Variants in PTPRD observed in about 807,000 individuals in gnomAD.
PTPRD encodes receptor-type tyrosine-protein phosphatase delta.
PTPRD carries 34 observed loss-of-function variants against 214.5 expected under a neutral mutation model. The ratio of observed to expected loss-of-function variants is 0.16; its 90% CI spans 0.12 to 0.21. The LOEUF is 0.21. Ranked by LOEUF, PTPRD falls within the 10% of genes least tolerant of loss-of-function variation. The pLI is 1.00. For missense variants in PTPRD, 2,545 were observed against 2,398.7 expected (o/e 1.06, Z -1.27); for synonymous variants, 1,128 against 845.7 (o/e 1.33, Z -5.79).
chr9:10,111,229 CTTTTTTTTTTTTTT>C (rs34045121), intron 3 of PTPRD, among the ~76,000 whole-genome samples: 3 of 72,150 alleles, frequency 4.2e-5, no homozygotes, highest in Non-Finnish European at 7.4e-5. Flanking sequence ...AGTTTAGTTT[CTTTTTTTTTTTTTT>C]TTTTTTTTTT....
intron 8 of PTPRD, among the ~76,000 whole-genome samples, chr9:9,427,515 C>T (rs2081406690): frequency 2.0e-5 from 3 of 146,400 alleles, no homozygotes; most frequent in Non-Finnish European, 4.5e-5. Context: ...GAGAACTTAC[C>T]CAACCTAGCA....
In PTPRD at chr9:10,560,710, G is replaced by C. The variant is rs192671228; in HGVS notation, c.-600+51688C>G. 1.5e-4 allele frequency among the ~76,000 whole-genome samples: 23 copies of C among 152,192 alleles called. No individual in the cohort carries two copies. In the East Asian group the frequency reaches 4.2e-3, roughly 28 times the overall value. Reference sequence around the variant, plus strand: ...CCCAGAATACAGTGCATAAAGTGCTGTACCAGTCGCAGTAAACCAAGAATA... The same window carrying C: ...CCCAGAATACAGTGCATAAAGTGCTCTACCAGTCGCAGTAAACCAAGAATA... On this transcript the variant is annotated intron_variant, in intron 2 of 45. Transcript: ENST00000381196.
intron 3 of PTPRD, among the ~76,000 whole-genome samples, chr9:10,340,055 A>T (rs2096910409): frequency 6.6e-6 from 1 of 151,638 alleles, no homozygotes; most frequent in Non-Finnish European, 1.5e-5. Context: ...ATTTTATATA[A>T]CTCCACATAA....
intron 2 of PTPRD, among the ~76,000 whole-genome samples, chr9:10,462,496 A>G (rs918282706): frequency 4.6e-5 from 7 of 152,194 alleles, no homozygotes; most frequent in Non-Finnish European, 1.0e-4. Flanking sequence ...GGCTCATTCA[A>G]AAGCCTGTGC....
intron 10 of PTPRD, among the ~76,000 whole-genome samples, chr9:9,126,764 G>A (rs1310437143): frequency 6.6e-6 from 1 of 152,158 alleles, no homozygotes; most frequent in South Asian, 2.1e-4. Context: ...GACAATCACT[G>A]AATGCTTTTG....
At chr9:10,559,692 G>C in intron 2 of PTPRD, among the ~76,000 whole-genome samples, 1 of 151,980 alleles carries the variant, frequency 6.6e-6, no homozygotes, top group Non-Finnish European at 1.5e-5. Context: ...AATCTACAAT[G>C]AACTCAAACA....
intron 3 of PTPRD, among the ~76,000 whole-genome samples, chr9:10,235,817 T>C (rs1468709466): frequency 6.6e-6 from 1 of 152,018 alleles, no homozygotes; most frequent in Admixed American, 6.6e-5. Flanking sequence ...TGACCTACAA[T>C]AGGACCACTT....
At chr9:8,941,344 C>T (rs539308810) in intron 11 of PTPRD, among the ~76,000 whole-genome samples, 1 of 152,016 alleles carries the variant, frequency 6.6e-6, no homozygotes, top group African/African-American at 2.4e-5. Flanking sequence ...AAATTACACA[C>T]GTATGTGAAA....
intron 9 of PTPRD, among the ~76,000 whole-genome samples, chr9:9,308,918 A>C (rs374934733): frequency 3.5e-4 from 53 of 152,250 alleles, no homozygotes; most frequent in African/African-American, 1.2e-3. Context: ...GAGTCTTCAA[A>C]CTATTGTGGT....
chr9:10,390,879 T>C (rs966408179), intron 2 of PTPRD, among the ~76,000 whole-genome samples: 6 of 151,802 alleles, frequency 4.0e-5, no homozygotes, highest in South Asian at 4.1e-4. Context: ...GGGCTTAAAA[T>C]AGACACATAA....
chr9:10,182,259 C>CAAAAAAAAAAAAAAAAA (rs3075574), intron 3 of PTPRD, among the ~76,000 whole-genome samples: 71 of 54,214 alleles, frequency 1.3e-3, no homozygotes, highest in African/African-American at 1.8e-3. Flanking sequence ...GACTCTGCCT[C>CAAAAAAAAAAAAAAAAA]AAAAAAAAAA....
intron 14 of PTPRD, among the ~76,000 whole-genome samples, chr9:8,621,778 C>T (rs2095834855): frequency 6.6e-6 from 1 of 151,812 alleles, no homozygotes; most frequent in African/African-American, 2.4e-5. Flanking sequence ...TCAGATCTAT[C>T]ATCATAAGTT....
chr9:9,730,609 G>T (rs1048591405), intron 7 of PTPRD, among the ~76,000 whole-genome samples: 42 of 151,898 alleles, frequency 2.8e-4, no homozygotes, highest in African/African-American at 1.0e-3. Context: ...TCCAGATCAG[G>T]GTTACTACTC....
chr9:9,812,758 C>T (rs557539125), intron 5 of PTPRD, among the ~76,000 whole-genome samples: 1 of 152,178 alleles, frequency 6.6e-6, no homozygotes, highest in African/African-American at 2.4e-5. Flanking sequence ...AAACAGCAGA[C>T]TTGACTAACA....
intron 4 of PTPRD, among the ~76,000 whole-genome samples, chr9:10,029,365 G>T (rs2097003563): frequency 6.6e-6 from 1 of 152,164 alleles, no homozygotes; most frequent in Admixed American, 6.5e-5. Context: ...CAGAATGGTA[G>T]ATCCACTGAC....
rs1296034331 is a variant in PTPRD at position 8,316,943 on chromosome 9, T to C, written c.*931A>G. ...TTTTTGTGTGGACACACTGTCTATA[T>C]ATACATAGACACCCTTATAAAATAT... On this transcript the variant is annotated 3_prime_UTR_variant, in exon 46 of 46. Coordinates refer to ENST00000381196, the MANE Select transcript of PTPRD (RefSeq NM_002839.4). 4.3e-6 allele frequency: 1 copy of C among 231,448 alleles called. No individual in the cohort carries two copies. Among genetic ancestry groups the C allele is most frequent in the Non-Finnish European group, 8.6e-6 (1 of 116,698 alleles). The allele number at this position is 231,448 out of a possible 1,614,324, so 14.3% of individuals were successfully genotyped here.
intron 11 of PTPRD, among the ~76,000 whole-genome samples, chr9:8,852,786 C>A (rs1023019055): frequency 6.6e-6 from 1 of 152,050 alleles, no homozygotes; most frequent in Admixed American, 6.5e-5. Flanking sequence ...TTTTTTCCCC[C>A]TTTTGGTAAT....
At chr9:9,557,165 A>ACCCT (rs2081738101) in intron 8 of PTPRD, among the ~76,000 whole-genome samples, 1 of 152,070 alleles carries the variant, frequency 6.6e-6, no homozygotes, top group Non-Finnish European at 1.5e-5. Context: ...ACTTGTATGT[A>ACCCT]CCCTCCTCTC....
intron 5 of PTPRD, among the ~76,000 whole-genome samples, chr9:9,833,473 C>A (rs1209828727): frequency 6.6e-6 from 1 of 151,828 alleles, no homozygotes; most frequent in Non-Finnish European, 1.5e-5. Context: ...GACCACAGGA[C>A]CGAGGCGAAA....
Sources: gnomAD v4.1 joint callset for allele counts (sites outside exome capture counted in the v4.1 genomes callset) on GRCh38, gnomAD v4.1.1 for gene constraint, MANE v1.5 for transcripts, NCBI Gene and HGNC (gene_info 2026-07-23, HGNC 2026-07-21) for gene names.